The following RMDN2 variants were observed in gnomAD, a reference collection of about 807,000 sequenced individuals.
The protein encoded by RMDN2 is regulator of microtubule dynamics 2.
RMDN2 carries 61 observed loss-of-function variants against 52.8 expected under a neutral mutation model. That is an observed-to-expected ratio of 1.16 (90% CI 0.94 to 1.43). RMDN2 has a LOEUF of 1.43. RMDN2 is among the 40% of genes most tolerant of loss of function. RMDN2 has a pLI of 0.00. For missense variants in RMDN2, 592 were observed against 475.3 expected (o/e 1.25, Z -2.28); for synonymous variants, 180 against 153.1 (o/e 1.18, Z -1.30).
chr2:37,931,404 C>T (rs1572677131), intron 2 of RMDN2, among the ~76,000 whole-genome samples: 1 of 152,292 alleles, frequency 6.6e-6, no homozygotes, highest in East Asian at 1.9e-4. Flanking sequence ...GTATGTAAAT[C>T]TGTGGTATTT....
In RMDN2 at chr2:37,975,217, A is replaced by T. The variant is rs372603934; in HGVS notation, c.633A>T (p.Arg211Ser). The stretch of plus-strand genomic sequence containing the variant: ...ACTCCATCTTTTCTTTTCAGTTTAG[A>T]GATGAAATAGAGTTTATGTGGCGAT... The part of the protein sequence containing the change: ...ELLRDHKEKF[R>S]DEIEFMWRFA... The change falls in exon 4 of 11, where the codon AGA becomes AGT. Residue 211 changes from arginine to serine, a missense_variant. Transcript: ENST00000354545. 1.3e-6 allele frequency: 2 copies of T among 1,582,826 alleles called. No individual in the cohort carries two copies. Among genetic ancestry groups the T allele is most frequent in the African/African-American group, 2.7e-5 (2 of 74,312 alleles).
rs148437492 is a variant in RMDN2 at position 37,952,002 on chromosome 2, A to G, written c.453-22038A>G. Reference sequence around the variant, plus strand: ...AAGTTACAGCACAGATCATTCTCCAATCATGATTCCACAGCATCCCTCTCA... The same window carrying G: ...AAGTTACAGCACAGATCATTCTCCAGTCATGATTCCACAGCATCCCTCTCA... On this transcript the variant is annotated intron_variant, in intron 2 of 10. Transcript: ENST00000354545. The G allele has an allele frequency of 4.0e-5, 64 of 1,612,988 alleles. No individual in the cohort carries two copies. The highest frequency in any genetic ancestry group is 2.4e-4 in the African/African-American group (18 of 74,884).
intron 2 of RMDN2, chr2:37,952,496 T>A (rs1412511910): frequency 2.2e-6 from 1 of 451,304 alleles, no homozygotes; most frequent in South Asian, 6.6e-5. Flanking sequence ...ATTATAATAC[T>A]TTTGTGGTCT....
chr2:38,060,109 TTTTATTTTA>T (rs1681987146), intron 10 of RMDN2, among the ~76,000 whole-genome samples: 7 of 138,054 alleles, frequency 5.1e-5, no homozygotes, highest in Non-Finnish European at 7.5e-5. Context: ...TTTTATTTTA[TTTTATTTTA>T]TTTTTTTTAG....
chr2:38,014,534 A>G (rs780305328), intron 10 of RMDN2, among the ~76,000 whole-genome samples: 32 of 152,312 alleles, frequency 2.1e-4, no homozygotes, highest in Admixed American at 1.2e-3. Context: ...CTTAACCAGT[A>G]CCCAGTCTCA....
At chr2:38,066,868 C>G (rs372109005) in intron 10 of RMDN2, 23 of 901,902 alleles carry the variant, frequency 2.6e-5, no homozygotes, top group East Asian at 1.2e-4. Context: ...AGTGAGTATT[C>G]TCTTAAACCA....
chr2:37,975,197 ATCTTT>A lies in RMDN2; in HGVS notation c.628-7_628-3del, dbSNP rs746242800. 1.4e-5 allele frequency: 21 copies of A among 1,495,880 alleles called. No individual in the cohort carries two copies. Among genetic ancestry groups the A allele is most frequent in the East Asian group, 2.3e-5 (1 of 44,316 alleles). 92.7% of individuals were successfully genotyped at this position (1,495,880 alleles called of 1,614,324 possible). ...CCAAGTTAATTTAACAGGCAACTCC[ATCTTT>A]TCTTTTCAGTTTAGAGATGAAATAG... On this transcript the variant is annotated splice_polypyrimidine_tract_variant and intron_variant, in intron 3 of 10. Transcript: ENST00000354545.
rs999068559 is a variant in RMDN2, at chr2:38,006,362, A to G, written c.1179+2146A>G. Among the ~76,000 whole-genome samples, 5 of 152,110 alleles carry G rather than the reference A, an allele frequency of 3.3e-5. 1 individual carries two copies. Among genetic ancestry groups the G allele is most frequent in the Admixed American group, 1.3e-4 (2 of 15,262 alleles). On this transcript the variant is annotated intron_variant, in intron 10 of 10. Coordinates refer to ENST00000354545, the MANE Select transcript of RMDN2 (RefSeq NM_001170791.3). ...ATGGAATGTTCTTCCATTTGTTTGT[A>G]TCCTCTTTTATTTCATTGGAGCAGT...
At chr2:37,973,001 G>T (rs997692557) in intron 2 of RMDN2, among the ~76,000 whole-genome samples, 1 of 152,190 alleles carries the variant, frequency 6.6e-6, no homozygotes, top group Non-Finnish European at 1.5e-5. Context: ...TATCTAACGG[G>T]AGCTGCAAGT....
intron 2 of RMDN2, among the ~76,000 whole-genome samples, chr2:37,937,905 G>A (rs1256036503): frequency 1.3e-5 from 2 of 152,076 alleles, no homozygotes; most frequent in Non-Finnish European, 2.9e-5. Flanking sequence ...TGATTGCTCT[G>A]GGCAGAACTT....
intron 2 of RMDN2, chr2:37,952,179 C>T (rs1259870435): frequency 5.6e-6 from 9 of 1,612,840 alleles, no homozygotes; most frequent in Non-Finnish European, 7.6e-6. Flanking sequence ...CAGATCTTCA[C>T]CTATTGAAAT....
intron 10 of RMDN2, among the ~76,000 whole-genome samples, chr2:38,026,017 T>G (rs532345052): frequency 6.6e-6 from 1 of 152,230 alleles, no homozygotes; most frequent in South Asian, 2.1e-4. Context: ...CTATGTAGAA[T>G]TGATATCGTT....
At chr2:37,928,081 T>C (rs1261507857) in intron 1 of RMDN2, among the ~76,000 whole-genome samples, 1 of 152,222 alleles carries the variant, frequency 6.6e-6, no homozygotes, top group East Asian at 1.9e-4. Context: ...ATCTCTTGGA[T>C]ATAATATTCA....
intron 10 of RMDN2, among the ~76,000 whole-genome samples, chr2:38,059,413 G>A (rs1441573549): frequency 6.6e-6 from 1 of 152,146 alleles, no homozygotes; most frequent in Non-Finnish European, 1.5e-5. Flanking sequence ...AATCCAGCAA[G>A]ATGATTGGAT....
chr2:37,990,661 C>A (rs72901010), intron 6 of RMDN2, among the ~76,000 whole-genome samples: 18,549 of 151,764 alleles, frequency 0.12, 1,634 homozygotes, highest in African/African-American at 0.25. Context: ...TTTAAGTTTG[C>A]CATGATAGAC....
At position 37,936,073 on chromosome 2, in the gene RMDN2, C is replaced by T. The variant is rs146688031; in HGVS notation, c.452+6344C>T. On this transcript the variant is annotated intron_variant, in intron 2 of 10. Coordinates refer to ENST00000354545, the MANE Select transcript of RMDN2 (RefSeq NM_001170791.3). ...ATACTCCCCACCTGCTGACAGTCCC[C>T]GGTGTGTGATGTTCCCCTCCCTGTG... Among the ~76,000 whole-genome samples the T allele has an allele frequency of 2.1e-3, 319 of 152,232 alleles. 1 individual carries two copies. Among genetic ancestry groups the T allele is most frequent in the African/African-American group, 7.0e-3 (292 of 41,536 alleles).
chr2:37,930,928 C>G (rs1666683213), intron 2 of RMDN2, among the ~76,000 whole-genome samples: 1 of 152,204 alleles, frequency 6.6e-6, no homozygotes, highest in Admixed American at 6.5e-5. Context: ...GCGCATGGGT[C>G]TGTCTCTGGC....
chr2:37,924,289 G>A (rs72885397), upstream of RMDN2, among the ~76,000 whole-genome samples: 5,920 of 152,244 alleles, frequency 0.039, 358 homozygotes, highest in African/African-American at 0.13. Context: ...TATATTGGTG[G>A]GAAGTTTAGA....
intron 2 of RMDN2, among the ~76,000 whole-genome samples, chr2:37,970,027 G>C (rs528382892): frequency 6.6e-6 from 1 of 152,052 alleles, no homozygotes; most frequent in African/African-American, 2.4e-5. Context: ...CAACTTTCTA[G>C]ACTCAAGCTA....
Sources: gnomAD v4.1 joint callset for allele counts (sites outside exome capture counted in the v4.1 genomes callset) on GRCh38, gnomAD v4.1.1 for gene constraint, MANE v1.5 for transcripts, NCBI Gene and HGNC (gene_info 2026-07-23, HGNC 2026-07-21) for gene names.